The following AGFG1 variants were observed in gnomAD, a reference collection of about 807,000 sequenced individuals.
AGFG1 encodes ArfGAP with FG repeats 1, also known as arf-GAP domain and FG repeat-containing protein 1.
Under a neutral mutation model 60.6 loss-of-function variants are expected in AGFG1, and 10 were observed. The ratio of observed to expected loss-of-function variants is 0.16; its 90% confidence interval spans 0.10 to 0.28. The LOEUF (loss-of-function observed/expected upper bound fraction) is 0.28. Ranked by LOEUF, AGFG1 falls within the 10% of genes least tolerant of loss-of-function variation. The pLI, the probability that AGFG1 is intolerant of heterozygous loss-of-function variation, is 1.00. For missense variants in AGFG1, 537 were observed against 676.5 expected (o/e 0.79, Z 2.29); for synonymous variants, 247 against 242.9 (o/e 1.02, Z -0.16).
rs1197440552 is a variant in AGFG1, at chr2:227,472,389, G to C, written c.-33G>C. The C allele has an allele frequency of 6.6e-6, 9 of 1,354,520 alleles. No homozygotes were observed. In the African/African-American group the frequency reaches 1.4e-4, roughly 21 times the overall value. The allele number at this position is 1,354,520 out of a possible 1,614,324, so 83.9% of individuals were successfully genotyped here. A position where few individuals can be genotyped will look rare whatever the true frequency, so the allele number is the denominator to read the frequency against. On this transcript the variant is annotated 5_prime_UTR_variant, in exon 1 of 13. Coordinates refer to ENST00000310078, the MANE Select transcript of AGFG1 (RefSeq NM_004504.5). ...CCGGCGCAGCGCTGCCCGGCTCCCG[G>C]CCCTGCCGGCCTCCTCCCTTGGCGC...
chr2:227,482,480 T>C (rs79393898), intron 1 of AGFG1, among the ~76,000 whole-genome samples: 8,243 of 152,284 alleles, frequency 0.054, 293 homozygotes, highest in African/African-American at 0.09. Flanking sequence ...CTGTTCTAGA[T>C]TTTAAATGTA....
intron 1 of AGFG1, among the ~76,000 whole-genome samples, chr2:227,478,495 C>T (rs1199343905): frequency 6.6e-6 from 1 of 151,912 alleles, no homozygotes; most frequent in Non-Finnish European, 1.5e-5. Flanking sequence ...AGGCGCGTGC[C>T]ACCATGCCCA....
chr2:227,522,000 AG>A (rs1429597792), intron 3 of AGFG1, among the ~76,000 whole-genome samples: 3 of 152,230 alleles, frequency 2.0e-5, no homozygotes, highest in African/African-American at 7.2e-5. Flanking sequence ...TGTAACATAC[AG>A]CTAGCAAGCA....
chr2:227,549,652 C>G (rs978180403), intron 10 of AGFG1, among the ~76,000 whole-genome samples: 1 of 152,198 alleles, frequency 6.6e-6, no homozygotes, highest in Non-Finnish European at 1.5e-5. Flanking sequence ...CATGCACTCT[C>G]TCCCAAGACT....
At chr2:227,516,270 C>T (rs1575089906) in intron 2 of AGFG1, among the ~76,000 whole-genome samples, 2 of 152,316 alleles carry the variant, frequency 1.3e-5, no homozygotes, top group Admixed American at 1.3e-4. Context: ...TGGGTTGCTC[C>T]TGAAAATTTG....
intron 10 of AGFG1, among the ~76,000 whole-genome samples, chr2:227,543,061 G>C (rs1355696904): frequency 6.6e-6 from 1 of 151,672 alleles, no homozygotes; most frequent in South Asian, 2.1e-4. Context: ...TTCTTTATTA[G>C]TCTTGCTAGC....
rs1296349605 is a variant in AGFG1, at chr2:227,532,119, A to G, written c.814+909A>G. On this transcript the variant is annotated intron_variant, in intron 6 of 12. Coordinates refer to ENST00000310078, the MANE Select transcript of AGFG1 (RefSeq NM_004504.5). ...TTTTTCTTTAACTTTCATCATTTAC[A>G]TAATTTCTGGCTGTCCAGCATTTAG... 3.9e-6 allele frequency: 6 copies of G among 1,525,476 alleles called. No individual in the cohort carries two copies. The African/African-American group carries it at 5.6e-5, about 14-fold the overall frequency. The allele number at this position is 1,525,476 out of a possible 1,614,324, so 94.5% of individuals were successfully genotyped here. A position where few individuals can be genotyped will look rare whatever the true frequency, so the allele number is the denominator to read the frequency against.
At chr2:227,531,509 TTCTC>T (rs898809072) in intron 6 of AGFG1, among the ~76,000 whole-genome samples, 22 of 147,462 alleles carry the variant, frequency 1.5e-4, no homozygotes, top group South Asian at 8.7e-4. Flanking sequence ...CTATAAGTAT[TTCTC>T]TCTCTCTGTC....
intron 3 of AGFG1, among the ~76,000 whole-genome samples, chr2:227,522,279 AC>A (rs1204182299): frequency 6.6e-6 from 1 of 152,246 alleles, no homozygotes; most frequent in Non-Finnish European, 1.5e-5. Context: ...GTAGCATATT[AC>A]TTTGCCAGGT....
intron 1 of AGFG1, among the ~76,000 whole-genome samples, chr2:227,480,556 T>G (rs1383608080): frequency 6.6e-6 from 1 of 151,668 alleles, no homozygotes; most frequent in Non-Finnish European, 1.5e-5. Context: ...TGAGCTGCAA[T>G]GAACTTCCTT....
chr2:227,560,279 C>G lies in AGFG1; in HGVS notation c.*5784C>G, dbSNP rs1237731240. ...AAAAATATTGTTATAATGATAATAT[C>G]CTTATGCATATATGAAGATTACTCT... is the stretch of plus-strand genomic sequence containing the variant. On this transcript the variant is annotated 3_prime_UTR_variant, in exon 13 of 13. Coordinates refer to ENST00000310078, the MANE Select transcript of AGFG1 (RefSeq NM_004504.5). 1 of 152,044 alleles carries G rather than the reference C, an allele frequency of 6.6e-6. No individual in the cohort carries two copies. Among genetic ancestry groups the G allele is most frequent in the African/African-American group, 2.4e-5 (1 of 41,418 alleles). The allele number at this position is 152,044 out of a possible 1,614,324, so 9.4% of individuals were successfully genotyped here.
chr2:227,484,703 T>G (rs1276868709), intron 1 of AGFG1, among the ~76,000 whole-genome samples: 11 of 18,956 alleles, frequency 5.8e-4, no homozygotes, highest in South Asian at 4.8e-3. Context: ...TTTTTTTTTT[T>G]TTTTTTTTTT....
intron 10 of AGFG1, among the ~76,000 whole-genome samples, 166 bp from the exon 11 acceptor site, chr2:227,551,793 G>A (rs1692829009): frequency 6.6e-6 from 1 of 152,186 alleles, no homozygotes; most frequent in Admixed American, 6.5e-5. Flanking sequence ...GTTAAACTGT[G>A]TAGCACTAAA....
At chr2:227,524,156 G>A (rs1691908319) in intron 4 of AGFG1, among the ~76,000 whole-genome samples, 1 of 148,700 alleles carries the variant, frequency 6.7e-6, no homozygotes. Context: ...CTTTGTAAAG[G>A]TGAGTTATAC....
chr2:227,517,664 A>G (rs1559183113), intron 2 of AGFG1, among the ~76,000 whole-genome samples: 1 of 152,210 alleles, frequency 6.6e-6, no homozygotes, highest in Non-Finnish European at 1.5e-5. Flanking sequence ...TCCCATACCC[A>G]GTTCAGTGAG....
At chr2:227,519,070 G>A (rs1438973757) in intron 2 of AGFG1, among the ~76,000 whole-genome samples, 4 of 152,164 alleles carry the variant, frequency 2.6e-5, no homozygotes, top group Non-Finnish European at 5.9e-5. Flanking sequence ...GCTTACTCAG[G>A]AGGCTGAAGT....
chr2:227,519,225 A>C (rs977075889), intron 2 of AGFG1, among the ~76,000 whole-genome samples: 1 of 152,208 alleles, frequency 6.6e-6, no homozygotes, highest in Non-Finnish European at 1.5e-5. Flanking sequence ...GAGTTGTAGG[A>C]ATTCTTTATA....
At chr2:227,493,719 G>A (rs182298283) in intron 2 of AGFG1, among the ~76,000 whole-genome samples, 10 of 152,296 alleles carry the variant, frequency 6.6e-5, no homozygotes, top group African/African-American at 2.4e-4. Flanking sequence ...TTAGGGATGT[G>A]GTTATAGATG....
chr2:227,503,327 T>C (rs547392380), intron 2 of AGFG1, among the ~76,000 whole-genome samples: 60 of 152,166 alleles, frequency 3.9e-4, no homozygotes, highest in South Asian at 4.1e-4. Flanking sequence ...TTAACCCTTA[T>C]GCCATACAAC....
Sources: allele counts gnomAD v4.1 joint callset (sites outside exome capture counted in the v4.1 genomes callset), GRCh38; gene constraint gnomAD v4.1.1; transcripts MANE v1.5; gene names NCBI Gene and HGNC (gene_info 2026-07-23, HGNC 2026-07-21).